PALLD: variants seen among roughly 807,000 people sequenced by gnomAD.
PALLD encodes the protein palladin, cytoskeletal associated protein.
PALLD carries 61 observed loss-of-function variants against 123.5 expected under a neutral mutation model. That is an observed-to-expected ratio of 0.49 (90% confidence interval 0.40 to 0.61). The LOEUF (loss-of-function observed/expected upper bound fraction) is 0.61, where lower values mean the gene tolerates loss of function less well. PALLD is among the 20% of genes least tolerant of loss of function. The probability of loss-of-function intolerance (pLI) is 0.00; values close to 1 mark genes in which losing one functional copy is unlikely to be tolerated. For missense variants in PALLD, 1,273 were observed against 1,377.0 expected (o/e 0.92, Z 1.20); for synonymous variants, 465 against 496.4 (o/e 0.94, Z 0.84).
chr4:168,820,711 A>T (rs1366295652), intron 10 of PALLD, among the ~76,000 whole-genome samples: 1 of 152,076 alleles, frequency 6.6e-6, no homozygotes, highest in Non-Finnish European at 1.5e-5. Context: ...AATTCTCTTG[A>T]CTATGACCAA....
At chr4:168,887,516 G>A (rs1305847297) in intron 10 of PALLD, among the ~76,000 whole-genome samples, 1 of 152,168 alleles carries the variant, frequency 6.6e-6, no homozygotes, top group Non-Finnish European at 1.5e-5. Context: ...AAACACAGTG[G>A]TGCCTTCTGT....
chr4:168,623,613 A>G (rs977125453), intron 2 of PALLD, among the ~76,000 whole-genome samples: 5 of 152,220 alleles, frequency 3.3e-5, no homozygotes, highest in African/African-American at 1.2e-4. Context: ...TACAAGAGAG[A>G]CACACATAGA....
intron 2 of PALLD, among the ~76,000 whole-genome samples, chr4:168,650,960 T>C (rs1290655412): frequency 6.6e-6 from 1 of 152,212 alleles, no homozygotes; most frequent in Non-Finnish European, 1.5e-5. Context: ...ACAGATGGCT[T>C]TCTAAAGACT....
chr4:168,674,037 C>T (rs1340364806), intron 3 of PALLD, among the ~76,000 whole-genome samples: 1 of 152,044 alleles, frequency 6.6e-6, no homozygotes, highest in Non-Finnish European at 1.5e-5. Flanking sequence ...GCCTCAGCCT[C>T]CCAAATAGCT....
intron 8 of PALLD, among the ~76,000 whole-genome samples, chr4:168,701,763 TC>T (rs545956036): frequency 3.2e-4 from 48 of 151,966 alleles, no homozygotes; most frequent in African/African-American, 1.1e-3. Context: ...GAGAAGTGCT[TC>T]CCAGAGAGCA....
intron 10 of PALLD, among the ~76,000 whole-genome samples, chr4:168,761,645 GTTTTTTTTTTTTTTTTT>G (rs70961555): frequency 1.2e-4 from 11 of 88,022 alleles, no homozygotes; most frequent in East Asian, 4.1e-4. Flanking sequence ...GTTGTTGTTT[GTTTTTTTTTTTTTTTTT>G]TTTTTTTTTT....
At chr4:168,559,788 T>C (rs2149571632) in intron 2 of PALLD, among the ~76,000 whole-genome samples, 1 of 152,070 alleles carries the variant, frequency 6.6e-6, no homozygotes, top group Non-Finnish European at 1.5e-5. Flanking sequence ...TACAGGCACC[T>C]GCCTGTAGTA....
At chr4:168,830,669 C>T (rs1744078616) in intron 10 of PALLD, among the ~76,000 whole-genome samples, 1 of 152,142 alleles carries the variant, frequency 6.6e-6, no homozygotes, top group African/African-American at 2.4e-5. Flanking sequence ...ATCACAGGGA[C>T]ATTCAATTTT....
At chr4:168,550,613 C>T (rs956238497) in intron 2 of PALLD, among the ~76,000 whole-genome samples, 2 of 145,532 alleles carry the variant, frequency 1.4e-5, no homozygotes, top group African/African-American at 4.9e-5. Context: ...CAGTGCCCAC[C>T]TAAACTTCTG....
At chr4:168,793,595 T>G (rs1328420596) in intron 10 of PALLD, among the ~76,000 whole-genome samples, 2 of 152,028 alleles carry the variant, frequency 1.3e-5, no homozygotes, top group Non-Finnish European at 2.9e-5. Context: ...GACTTAACCC[T>G]TCTTTAAGCA....
chr4:168,657,430 A>G (rs904008439), intron 2 of PALLD, among the ~76,000 whole-genome samples: 3 of 152,256 alleles, frequency 2.0e-5, no homozygotes, highest in African/African-American at 7.2e-5. Flanking sequence ...GAATAAGGAA[A>G]CTATAACCCC....
chr4:168,684,660 AG>A (rs1561395768), intron 5 of PALLD, among the ~76,000 whole-genome samples: 1 of 152,232 alleles, frequency 6.6e-6, no homozygotes, highest in Non-Finnish European at 1.5e-5. Flanking sequence ...GGACATAAAA[AG>A]ACAGTGAAAA....
chr4:168,640,478 CA>C (rs1172616127), intron 2 of PALLD, among the ~76,000 whole-genome samples: 4 of 152,192 alleles, frequency 2.6e-5, no homozygotes, highest in Non-Finnish European at 5.9e-5. Flanking sequence ...GTCCATCTCC[CA>C]GTACACACAA....
At chr4:168,613,636 T>A (rs2149774865) in intron 2 of PALLD, among the ~76,000 whole-genome samples, 1 of 152,272 alleles carries the variant, frequency 6.6e-6, no homozygotes, top group South Asian at 2.1e-4. Context: ...GAATCCTACC[T>A]CCTTTGGCTG....
At position 168,928,341 on chromosome 4, in the gene PALLD, TATCA is replaced by T. The variant is rs71719276; in HGVS notation, c.*2170_*2173del. 0.16 allele frequency: 28,757 copies of T among 182,402 alleles called. 2,808 individuals carry two copies. Among genetic ancestry groups the T allele is most frequent in the African/African-American group, 0.29 (12,336 of 42,432 alleles). 11.3% of individuals were successfully genotyped at this position (182,402 alleles called of 1,614,324 possible). A position where few individuals can be genotyped will look rare whatever the true frequency, so the allele number is the denominator to read the frequency against. On this transcript the variant is annotated 3_prime_UTR_variant, in exon 22 of 22. Transcript: ENST00000505667. ...ATTGTATTTATAAAAAAAAAAGTAC[TATCA>T]ATCAATCATACTACTTTGGATTGTT...
chr4:168,863,010 C>A (rs976074445), intron 10 of PALLD, among the ~76,000 whole-genome samples: 1 of 152,338 alleles, frequency 6.6e-6, no homozygotes, highest in East Asian at 1.9e-4. Context: ...CTCTGCCCTT[C>A]ACCAGAGCTG....
intron 2 of PALLD, among the ~76,000 whole-genome samples, chr4:168,623,936 C>T (rs774288429): frequency 2.6e-5 from 4 of 152,014 alleles, no homozygotes; most frequent in African/African-American, 4.8e-5. Context: ...ATCTTAAGTT[C>T]GGAAAAGACA....
At chr4:168,895,613 G>A (rs904670188) in intron 12 of PALLD, among the ~76,000 whole-genome samples, 2 of 152,166 alleles carry the variant, frequency 1.3e-5, no homozygotes, top group Admixed American at 6.6e-5. Flanking sequence ...GTGGAAGTGG[G>A]TCATCATAAA....
At chr4:168,619,946 A>G (rs72982782) in intron 2 of PALLD, among the ~76,000 whole-genome samples, 4,903 of 152,218 alleles carry the variant, frequency 0.032, 256 homozygotes, top group African/African-American at 0.11. Context: ...AGCTCTTCCA[A>G]TAGTAGTGAT....
Sources: allele counts gnomAD v4.1 joint callset (sites outside exome capture counted in the v4.1 genomes callset), GRCh38; gene constraint gnomAD v4.1.1; transcripts MANE v1.5; gene names NCBI Gene and HGNC (gene_info 2026-07-23, HGNC 2026-07-21).